The following SRFBP1 variants were observed in gnomAD, a reference collection of about 807,000 sequenced individuals.
SRFBP1 encodes the protein serum response factor-binding protein 1.
Under a neutral mutation model 45.5 loss-of-function variants are expected in SRFBP1, and 47 were observed. The ratio of observed to expected loss-of-function variants is 1.03; its 90% CI spans 0.82 to 1.32. SRFBP1 has a LOEUF of 1.32. Among genes scored for constraint, SRFBP1 ranks in the 40% most tolerant of loss-of-function variants. The pLI is 0.00. For missense variants in SRFBP1, 621 were observed against 484.6 expected, an observed-to-expected ratio of 1.28 and a Z score of -2.64; for synonymous variants, 203 against 166.3, an observed-to-expected ratio of 1.22 and a Z score of -1.70.
chr5:122,022,685 A>G (rs771371704), intron 7 of SRFBP1, among the ~76,000 whole-genome samples: 3 of 152,268 alleles, frequency 2.0e-5, no homozygotes, highest in Non-Finnish European at 4.4e-5. Flanking sequence ...TAAGTAAATT[A>G]TGCAAGTTAT....
intron 4 of SRFBP1, among the ~76,000 whole-genome samples, chr5:121,998,327 A>AT (rs1469844976): frequency 6.0e-5 from 9 of 149,976 alleles, no homozygotes; most frequent in Non-Finnish European, 1.5e-5. Context: ...ATGGAATACT[A>AT]TGCAGCCATA....
intron 1 of SRFBP1, among the ~76,000 whole-genome samples, chr5:121,965,254 A>G (rs968764792): frequency 6.6e-6 from 1 of 152,120 alleles, no homozygotes; most frequent in Non-Finnish European, 1.5e-5. Context: ...TTAGTCATGT[A>G]GTCTTTGTCC....
chr5:121,971,256 A>G (rs1034221464), intron 1 of SRFBP1, among the ~76,000 whole-genome samples: 1 of 152,082 alleles, frequency 6.6e-6, no homozygotes, highest in African/African-American at 2.4e-5. Flanking sequence ...AAACCGGTTA[A>G]CAGTAACTCA....
At chr5:121,989,396 G>A (rs1752580244) in intron 3 of SRFBP1, among the ~76,000 whole-genome samples, 1 of 152,052 alleles carries the variant, frequency 6.6e-6, no homozygotes, top group Non-Finnish European at 1.5e-5. Context: ...GGAAAGCTAA[G>A]TGTCGCTGTC....
rs1753499586 is a variant in SRFBP1, at chr5:122,027,146, A to G, written c.*20A>G. On this transcript the variant is annotated 3_prime_UTR_variant, in exon 8 of 8. Coordinates refer to ENST00000339397, the MANE Select transcript of SRFBP1 (RefSeq NM_152546.3). ...GATTGATTAGTGCCTCTTTCTGCAA[A>G]CTTTTCCATCTAAAAAAAAAAATGT... 6.3e-7 allele frequency: 1 copy of G among 1,577,942 alleles called. No homozygotes were observed. The highest frequency in any genetic ancestry group is 1.2e-5 in the South Asian group (1 of 85,438).
intron 1 of SRFBP1, among the ~76,000 whole-genome samples, chr5:121,963,935 AC>A (rs1245312997): frequency 6.6e-6 from 1 of 152,108 alleles, no homozygotes; most frequent in East Asian, 1.9e-4. Flanking sequence ...AGAAATGACA[AC>A]CAACTAGAAA....
At chr5:122,025,336 C>A (rs1357055421) in intron 7 of SRFBP1, among the ~76,000 whole-genome samples, 1 of 152,118 alleles carries the variant, frequency 6.6e-6, no homozygotes, top group Admixed American at 6.6e-5. Flanking sequence ...GTATATGTGC[C>A]ACATTTTCTT....
Position 121,999,752 on chromosome 5 carries a change from G to T in SRFBP1, c.270+5082G>T, listed in dbSNP as rs375072120. Among the ~76,000 whole-genome samples, 5 of 151,840 alleles carry T rather than the reference G, an allele frequency of 3.3e-5. No individual in the cohort carries two copies. In the East Asian group the frequency reaches 9.6e-4, roughly 29 times the overall value. On this transcript the variant is annotated intron_variant, in intron 4 of 7. Transcript: ENST00000339397. ...TATCTTGTCTGAAATTTATATCACTGCTTTAGCTTTCTTTTGGTTAGTGTT... is the reference window on the plus strand; with the variant it reads ...TATCTTGTCTGAAATTTATATCACTTCTTTAGCTTTCTTTTGGTTAGTGTT...
chr5:122,036,288 A>G (rs1348491284), intron 2 of SRFBP1, among the ~76,000 whole-genome samples: 1 of 152,126 alleles, frequency 6.6e-6, no homozygotes, highest in African/African-American at 2.4e-5. Context: ...TGGAGTCTGA[A>G]TAGCTGAGGT....
intron 4 of SRFBP1, among the ~76,000 whole-genome samples, chr5:122,015,093 G>A (rs1580526972): frequency 6.6e-6 from 1 of 152,144 alleles, no homozygotes; most frequent in African/African-American, 2.4e-5. Context: ...AAGGTAAAAA[G>A]CTGCTCCTGG....
chr5:121,962,122 T>C, intron 1 of SRFBP1, 54 bp downstream of exon 1: 1 of 1,607,216 alleles, frequency 6.2e-7, no homozygotes, highest in Non-Finnish European at 8.5e-7. Context: ...AAACCAGCTC[T>C]TTTGAGACGC....
chr5:122,014,585 A>C (rs943653652), intron 4 of SRFBP1, among the ~76,000 whole-genome samples: 1 of 152,156 alleles, frequency 6.6e-6, no homozygotes, highest in Non-Finnish European at 1.5e-5. Flanking sequence ...AAAAATCTTC[A>C]TTCATGAGAT....
At chr5:122,038,663 C>T (rs1753728072) in intron 2 of SRFBP1, among the ~76,000 whole-genome samples, 1 of 152,096 alleles carries the variant, frequency 6.6e-6, no homozygotes, top group African/African-American at 2.4e-5. Flanking sequence ...GCCTTTAAGG[C>T]ATAAGGACAA....
At chr5:122,023,474 G>C (rs2112711991) in intron 7 of SRFBP1, among the ~76,000 whole-genome samples, 1 of 152,248 alleles carries the variant, frequency 6.6e-6, no homozygotes, top group East Asian at 1.9e-4. Context: ...TCGAGTAGCA[G>C]AACAGGGACA....
chr5:121,977,976 A>G lies in SRFBP1; in HGVS notation c.198+2589A>G, dbSNP rs1752338175. ...ATTAGTAGAAATATTGCCTTCTAAA[A>G]CAGTTTCTTTTTCTTTGAAAGTTAG... On this transcript the variant is annotated intron_variant, in intron 3 of 7. Coordinates refer to ENST00000339397, the MANE Select transcript of SRFBP1 (RefSeq NM_152546.3). Among the ~76,000 whole-genome samples the G allele has an allele frequency of 2.0e-5, 3 of 152,174 alleles. No homozygotes were observed. In the South Asian group the frequency reaches 6.2e-4, roughly 31 times the overall value.
intron 4 of SRFBP1, among the ~76,000 whole-genome samples, chr5:122,003,207 T>G (rs1259164362): frequency 6.6e-6 from 1 of 151,948 alleles, no homozygotes; most frequent in Non-Finnish European, 1.5e-5. Flanking sequence ...AAGCTGGGCA[T>G]GGTGACACAC....
chr5:122,075,252 G>T, intron 2 of SRFBP1: 2 of 637,182 alleles, frequency 3.1e-6, no homozygotes, highest in Non-Finnish European at 5.2e-6. Context: ...GTAGTAGATG[G>T]GTTATGTGAA....
At chr5:122,028,803 G>T (rs574327953), downstream of SRFBP1, among the ~76,000 whole-genome samples, 8 of 152,310 alleles carry the variant, frequency 5.3e-5, no homozygotes, top group South Asian at 1.7e-3. Flanking sequence ...AGACTGTGAA[G>T]TTGGGGTCAC....
chr5:121,975,181 T>C (rs1752276999), intron 2 of SRFBP1, 134 bp from the exon 3 acceptor site: 10 of 896,416 alleles, frequency 1.1e-5, no homozygotes, highest in Non-Finnish European at 1.7e-5. Flanking sequence ...AAATGGACAG[T>C]GTAGGATAGT....
Sources: gnomAD v4.1 joint callset for allele counts (sites outside exome capture counted in the v4.1 genomes callset) on GRCh38, gnomAD v4.1.1 for gene constraint, MANE v1.5 for transcripts, NCBI Gene and HGNC (gene_info 2026-07-23, HGNC 2026-07-21) for gene names.